GBE1: variants seen among roughly 807,000 people sequenced by gnomAD.
GBE1 encodes the protein 1,4-alpha-glucan branching enzyme 1.
In GBE1, 70 loss-of-function variants were observed where a neutral mutation model predicts 88.8. The ratio of observed to expected loss-of-function variants is 0.79; its 90% confidence interval spans 0.65 to 0.96. The LOEUF (loss-of-function observed/expected upper bound fraction) is 0.96, where lower values mean the gene tolerates loss of function less well. Among genes scored for constraint, GBE1 ranks in the 40% least tolerant of loss-of-function variants. GBE1 has a pLI of 0.00. For synonymous variants in GBE1, 284 were observed against 300.1 expected (o/e 0.95, Z 0.56); for missense variants, 872 against 871.0 (o/e 1.00, Z -0.01).
chr3:81,716,850 T>C (rs1705944462), intron 1 of GBE1, among the ~76,000 whole-genome samples: 1 of 152,214 alleles, frequency 6.6e-6, no homozygotes, highest in Non-Finnish European at 1.5e-5. Flanking sequence ...TAATGGTCAA[T>C]ATTAAAATTT....
chr3:81,672,388 T>C (rs762619712), intron 2 of GBE1, among the ~76,000 whole-genome samples: 7 of 151,958 alleles, frequency 4.6e-5, no homozygotes, highest in Non-Finnish European at 1.0e-4. Flanking sequence ...ACAATATGGG[T>C]AAAACCTTGT....
intron 2 of GBE1, among the ~76,000 whole-genome samples, chr3:81,686,052 G>A (rs1227941182): frequency 2.6e-5 from 4 of 152,072 alleles, no homozygotes; most frequent in Non-Finnish European, 5.9e-5. Flanking sequence ...CCCCCTCCTT[G>A]GGCTTCAGTG....
Position 81,737,379 on chromosome 3 carries a change from TTA to T in GBE1, c.143+23994_143+23995del, listed in dbSNP as rs1283424293. ...TATATTTATATATTTATATATATTT[TTA>T]TATATATTTATATAAATATATTTTT... On this transcript the variant is annotated intron_variant, in intron 1 of 15. Coordinates refer to ENST00000429644, the MANE Select transcript of GBE1 (RefSeq NM_000158.4). Among the ~76,000 whole-genome samples the T allele has an allele frequency of 6.6e-4, 21 of 31,924 alleles. 1 individual carries two copies. Among genetic ancestry groups the T allele is most frequent in the African/African-American group, 3.0e-3 (18 of 6,080 alleles). 20.9% of individuals were successfully genotyped at this position (31,924 alleles called of 152,430 possible).
rs114295600 is a variant in GBE1 at position 81,568,151 on chromosome 3, T to C, written c.1618+9774A>G. Among the ~76,000 whole-genome samples, 954 of 152,254 alleles carry C rather than the reference T, an allele frequency of 6.3e-3. 16 individuals are homozygous for C. Among genetic ancestry groups the C allele is most frequent in the African/African-American group, 0.022 (905 of 41,548 alleles). On this transcript the variant is annotated intron_variant, in intron 12 of 15. Coordinates refer to ENST00000429644, the MANE Select transcript of GBE1 (RefSeq NM_000158.4). The stretch of plus-strand genomic sequence containing the variant: ...CTAGCTTACAGCCATCTTTGGATTC[T>C]CAATTTTTTTTTTTGAGATGGAGTC...
intron 12 of GBE1, among the ~76,000 whole-genome samples, chr3:81,553,287 C>T (rs975937007): frequency 6.6e-6 from 1 of 151,752 alleles, no homozygotes; most frequent in South Asian, 2.1e-4. Flanking sequence ...TAAACTCCTG[C>T]AAAAAGGCTT....
chr3:81,672,661 A>G (rs1705204579), intron 2 of GBE1, among the ~76,000 whole-genome samples: 1 of 151,970 alleles, frequency 6.6e-6, no homozygotes, highest in African/African-American at 2.4e-5. Context: ...GGAACACAAG[A>G]AGCTTCAATA....
chr3:81,566,293 C>G (rs868255989), intron 12 of GBE1, among the ~76,000 whole-genome samples: 23 of 152,264 alleles, frequency 1.5e-4, no homozygotes, highest in Middle Eastern at 6.8e-3. Flanking sequence ...TAGCCAAGAC[C>G]AATTAAATCA....
intron 2 of GBE1, among the ~76,000 whole-genome samples, chr3:81,702,682 T>C (rs1421105133): frequency 3.3e-5 from 5 of 152,038 alleles, no homozygotes; most frequent in African/African-American, 1.2e-4. Context: ...AATACATCTT[T>C]ATAAAGAGTG....
At chr3:81,547,785 T>A (rs990186510) in intron 12 of GBE1, among the ~76,000 whole-genome samples, 1 of 151,298 alleles carries the variant, frequency 6.6e-6, no homozygotes, top group African/African-American at 2.4e-5. Flanking sequence ...CTGTAGCAAA[T>A]CTGGTGTGCT....
chr3:81,756,874 T>A (rs1211375559), intron 1 of GBE1, among the ~76,000 whole-genome samples: 1 of 152,178 alleles, frequency 6.6e-6, no homozygotes, highest in African/African-American at 2.4e-5. Context: ...TACTCAAACA[T>A]TTGTTAAATG....
chr3:81,565,665 C>A (rs1703482068), intron 12 of GBE1, among the ~76,000 whole-genome samples: 1 of 152,078 alleles, frequency 6.6e-6, no homozygotes, highest in Admixed American at 6.6e-5. Context: ...ATGGAAATTT[C>A]ATAATACTGC....
chr3:81,692,798 A>T (rs1286538114), intron 2 of GBE1, among the ~76,000 whole-genome samples: 2 of 152,190 alleles, frequency 1.3e-5, no homozygotes. Flanking sequence ...AGGTTAAAGC[A>T]ATCTACTTTT....
At chr3:81,641,008 T>C (rs1704670304) in intron 7 of GBE1, among the ~76,000 whole-genome samples, 1 of 152,150 alleles carries the variant, frequency 6.6e-6, no homozygotes, top group Non-Finnish European at 1.5e-5. Context: ...AACAATGATG[T>C]ATGATCCCTT....
At chr3:81,552,619 A>G (rs1371959432) in intron 12 of GBE1, among the ~76,000 whole-genome samples, 4 of 151,848 alleles carry the variant, frequency 2.6e-5, no homozygotes, top group African/African-American at 9.7e-5. Context: ...TCAGATTTCT[A>G]TATTCCACAT....
At chr3:81,524,352 C>T (rs1421268585) in intron 14 of GBE1, among the ~76,000 whole-genome samples, 2 of 151,534 alleles carry the variant, frequency 1.3e-5, no homozygotes, top group Non-Finnish European at 2.9e-5. Flanking sequence ...AAATTTTTTC[C>T]TATTGTTTGA....
rs1358457340 is a variant in GBE1, at chr3:81,646,595, C to G, written c.692-113G>C. On this transcript the variant is annotated intron_variant, in intron 5 of 15. Coordinates refer to ENST00000429644, the MANE Select transcript of GBE1 (RefSeq NM_000158.4). ...TTAAAATTTACAAACAATCTAGAAG[C>G]TTTGGTCGTCTTGAAAAGTTCTACT... 4.6e-5 allele frequency: 29 copies of G among 634,162 alleles called. No individual in the cohort carries two copies. The East Asian group carries it at 8.4e-4, about 18-fold the overall frequency. 39.3% of individuals were successfully genotyped at this position (634,162 alleles called of 1,614,324 possible).
intron 7 of GBE1, among the ~76,000 whole-genome samples, chr3:81,623,859 G>A (rs1355953628): frequency 1.3e-5 from 2 of 151,986 alleles, no homozygotes; most frequent in Non-Finnish European, 2.9e-5. Flanking sequence ...AAATAAAGAT[G>A]GGGGTCTCAC....
intron 14 of GBE1, among the ~76,000 whole-genome samples, chr3:81,508,761 G>A (rs1702687265): frequency 6.6e-6 from 1 of 152,148 alleles, no homozygotes; most frequent in South Asian, 2.1e-4. Context: ...GAAAGACAGG[G>A]ATAGGAGACA....
chr3:81,582,774 AAAAT>A (rs1433492245), intron 10 of GBE1, among the ~76,000 whole-genome samples: 1 of 152,106 alleles, frequency 6.6e-6, no homozygotes, highest in African/African-American at 2.4e-5. Context: ...TTAAATATAA[AAAAT>A]AAAAACTATA....
Sources: gnomAD v4.1 joint callset for allele counts (sites outside exome capture counted in the v4.1 genomes callset) on GRCh38, gnomAD v4.1.1 for gene constraint, MANE v1.5 for transcripts, NCBI Gene and HGNC (gene_info 2026-07-23, HGNC 2026-07-21) for gene names.